CEMIP: variants seen among roughly 807,000 people sequenced by gnomAD.
CEMIP encodes cell migration-inducing and hyaluronan-binding protein.
In CEMIP, 105 loss-of-function variants were observed where a neutral mutation model predicts 156.9. That is an observed-to-expected ratio of 0.67 (90% CI 0.57 to 0.79). The LOEUF (loss-of-function observed/expected upper bound fraction) is 0.79, where lower values mean the gene tolerates loss of function less well. Among genes scored for constraint, CEMIP ranks in the 30% least tolerant of loss-of-function variants. The pLI is 0.00. For synonymous variants in CEMIP, 676 were observed against 668.4 expected (o/e 1.01, Z -0.17); for missense variants, 1,457 against 1,769.4 (o/e 0.82, Z 3.17).
At position 80,949,497 on chromosome 15, in the gene CEMIP, G is replaced by A. The variant is rs1901726083; in HGVS notation, c.*573G>A. 5.7e-6 allele frequency: 1 copy of A among 176,804 alleles called. No homozygotes were observed. Among genetic ancestry groups the A allele is most frequent in the Admixed American group, 5.4e-5 (1 of 18,676 alleles). 11.0% of individuals were successfully genotyped at this position (176,804 alleles called of 1,614,324 possible). A position where few individuals can be genotyped will look rare whatever the true frequency, so the allele number is the denominator to read the frequency against. Reference sequence around the variant, plus strand: ...TGCCTCTGGCCGTGTCCACCTTTCAGGAGACTTTGAGTGGCAGGTTTGGAC... The same window carrying A: ...TGCCTCTGGCCGTGTCCACCTTTCAAGAGACTTTGAGTGGCAGGTTTGGAC... On this transcript the variant is annotated 3_prime_UTR_variant, in exon 30 of 30. Transcript: ENST00000394685.
At chr15:80,832,135 C>G (rs1228313231) in intron 1 of CEMIP, among the ~76,000 whole-genome samples, 1 of 152,182 alleles carries the variant, frequency 6.6e-6, no homozygotes, top group Non-Finnish European at 1.5e-5. Context: ...AGTCGGCTGG[C>G]CTGCTTTTGT....
At position 80,858,526 on chromosome 15, in the gene CEMIP, C is replaced by T. The variant is rs148507081; in HGVS notation, c.-175-15012C>T. 5.4e-3 allele frequency among the ~76,000 whole-genome samples: 810 copies of T among 148,668 alleles called. 5 individuals are homozygous for T. Among genetic ancestry groups the T allele is most frequent in the African/African-American group, 0.014 (582 of 40,192 alleles). ...GTCAGGAGTTCAAGAGCAGCCTGACCAACATGGAGAAACCTGGTCTCTACT... is the reference window on the plus strand; with the variant it reads ...GTCAGGAGTTCAAGAGCAGCCTGACTAACATGGAGAAACCTGGTCTCTACT... On this transcript the variant is annotated intron_variant, in intron 1 of 29. Transcript: ENST00000394685.
intron 12 of CEMIP, chr15:80,900,794 C>T: frequency 2.8e-6 from 1 of 355,116 alleles, no homozygotes; most frequent in Non-Finnish European, 5.6e-6. Context: ...AGGATTCCAC[C>T]TGCTTCTCCC....
At chr15:80,864,012 G>A (rs951875305) in intron 1 of CEMIP, among the ~76,000 whole-genome samples, 73 of 151,898 alleles carry the variant, frequency 4.8e-4, no homozygotes, top group African/African-American at 1.8e-3. Context: ...GCTTGAATGT[G>A]AGAGGCAAGC....
chr15:80,789,007 T>C (rs564151919), intron 1 of CEMIP, among the ~76,000 whole-genome samples: 1 of 152,362 alleles, frequency 6.6e-6, no homozygotes, highest in East Asian at 1.9e-4. Context: ...CATTGCACTA[T>C]TCTTTATATT....
intron 1 of CEMIP, among the ~76,000 whole-genome samples, chr15:80,868,745 A>T (rs1596145116): frequency 6.6e-6 from 1 of 152,216 alleles, no homozygotes; most frequent in Non-Finnish European, 1.5e-5. Flanking sequence ...AACTAGAGAT[A>T]ATAATGATAC....
chr15:80,909,781 A>G, intron 14 of CEMIP: 1 of 373,356 alleles, frequency 2.7e-6, no homozygotes, highest in Non-Finnish European at 5.3e-6. Flanking sequence ...TCATTAACAA[A>G]TTGGCATGTG....
intron 1 of CEMIP, among the ~76,000 whole-genome samples, chr15:80,849,494 C>G (rs1897658747): frequency 6.6e-6 from 1 of 152,168 alleles, no homozygotes; most frequent in Non-Finnish European, 1.5e-5. Context: ...GGCCTCTTCC[C>G]TCTTGCTCAC....
At chr15:80,925,799 C>T (rs375011185) in intron 19 of CEMIP, 44 bp downstream of exon 19, 31 of 1,598,246 alleles carry the variant, frequency 1.9e-5, no homozygotes, top group African/African-American at 8.0e-5. Flanking sequence ...GGGGGCATGG[C>T]GCGTCTTCCC....
intron 1 of CEMIP, among the ~76,000 whole-genome samples, chr15:80,839,291 T>A (rs911507433): frequency 7.4e-6 from 1 of 135,052 alleles, no homozygotes; most frequent in Non-Finnish European, 1.5e-5. Flanking sequence ...AGGCCGTGAG[T>A]GTGTGTGTGT....
intron 1 of CEMIP, among the ~76,000 whole-genome samples, chr15:80,791,285 G>T (rs992823726): frequency 6.6e-6 from 1 of 152,094 alleles, no homozygotes; most frequent in Non-Finnish European, 1.5e-5. Flanking sequence ...CTGGTGGCAG[G>T]TATCTAAGGT....
Position 80,925,263 on chromosome 15 carries a change from G to C in CEMIP, c.2289-361G>C, listed in dbSNP as rs930691412. Among the ~76,000 whole-genome samples, 5 of 152,216 alleles carry C rather than the reference G, an allele frequency of 3.3e-5. No individual in the cohort carries two copies. In the South Asian group the frequency reaches 1.0e-3, roughly 32 times the overall value. On this transcript the variant is annotated intron_variant, in intron 18 of 29. Coordinates refer to ENST00000394685, the MANE Select transcript of CEMIP (RefSeq NM_001293298.2). Reference sequence around the variant, plus strand: ...GTGCTCAGAAAAGGCACTAGTTCAAGGTGACCTGCCAGTTAGTGGAAGAGC... The same window carrying C: ...GTGCTCAGAAAAGGCACTAGTTCAACGTGACCTGCCAGTTAGTGGAAGAGC...
intron 1 of CEMIP, among the ~76,000 whole-genome samples, chr15:80,856,733 G>T (rs1046222304): frequency 1.3e-5 from 2 of 152,154 alleles, no homozygotes; most frequent in African/African-American, 2.4e-5. Context: ...GAATACTGAG[G>T]CCCAGGGAAG....
At chr15:80,917,747 T>G (rs771514425) in intron 14 of CEMIP, among the ~76,000 whole-genome samples, 5 of 152,214 alleles carry the variant, frequency 3.3e-5, no homozygotes, top group Admixed American at 6.5e-5. Flanking sequence ...AAACCATGCT[T>G]TCTGCCTTGA....
intron 29 of CEMIP, chr15:80,947,752 T>G (rs1901624531): frequency 6.5e-6 from 1 of 153,072 alleles, no homozygotes; most frequent in Admixed American, 6.5e-5. Context: ...ATGTTCAGCC[T>G]TGCACTTTGC....
rs1416062848 is a variant in CEMIP at position 80,936,721 on chromosome 15, C to G, written c.3057C>G (p.Ile1019Met). The change falls in exon 24 of 30, where the codon ATC becomes ATG. Residue 1019 changes from isoleucine (I) to methionine (M), a missense_variant. Ile to Met is a conservative substitution (Grantham distance 10). This residue lies in a region of CEMIP where 798 missense variants were observed against 980.1 expected (regional missense o/e 0.81). Transcript: ENST00000394685. Reference sequence around the variant, plus strand: ...CCAGTAACCTGCGAATGAAGATCATCAAGAATGACTTCCCCAGCCACCCTC... The same window carrying G: ...CCAGTAACCTGCGAATGAAGATCATGAAGAATGACTTCCCCAGCCACCCTC... ...YKTSNLRMKI[I>M]KNDFPSHPLY... The G allele has an allele frequency of 1.9e-6, 3 of 1,614,176 alleles. No homozygotes were observed. The highest frequency in any genetic ancestry group is 2.5e-6 in the Non-Finnish European group (3 of 1,180,026).
rs765104078 is a variant in CEMIP at position 80,941,880 on chromosome 15, G to A, written c.3439G>A (p.Glu1147Lys). ...LLFLKLKAQN[E>K]REKFAFCSMK... ...GTTCCTGAAGCTGAAAGCTCAGAAC[G>A]AGAGAGAGAAGTTTGCTTTCTGCTC... Residue 1147 changes from glutamate to lysine, a missense_variant, in exon 26 of 30, where the codon GAG becomes AAG. Physicochemically the swap from Glu to Lys is moderately conservative, Grantham distance 56. Transcript: ENST00000394685. The A allele has an allele frequency of 4.2e-5, 68 of 1,613,764 alleles. No homozygotes were observed. The highest frequency in any genetic ancestry group is 3.7e-4 in the South Asian group (34 of 91,042).
chr15:80,906,071 A>G lies in CEMIP; in HGVS notation c.1412-592A>G, dbSNP rs1378069924. On this transcript the variant is annotated intron_variant, in intron 12 of 29. Coordinates refer to ENST00000394685, the MANE Select transcript of CEMIP (RefSeq NM_001293298.2). This position sits in a 1 kb window ranked among gnomAD's most constrained non-coding sequence, Gnocchi z 4.3. Reference sequence around the variant, plus strand: ...AGAATAGGGATTTGCCTGCTTTAACAGATTATGAATTTGCACTGCTGTAAA... The same window carrying G: ...AGAATAGGGATTTGCCTGCTTTAACGGATTATGAATTTGCACTGCTGTAAA... Among the ~76,000 whole-genome samples, 3 of 152,226 alleles carry G rather than the reference A, an allele frequency of 2.0e-5. No homozygotes were observed. Among genetic ancestry groups the G allele is most frequent in the Admixed American group, 6.5e-5 (1 of 15,286 alleles).
intron 1 of CEMIP, among the ~76,000 whole-genome samples, chr15:80,786,520 C>G (rs1038651013): frequency 6.6e-6 from 1 of 150,590 alleles, no homozygotes; most frequent in Non-Finnish European, 1.5e-5. Flanking sequence ...GCCATTGCAC[C>G]CAGCCTGCTA....
Sources: gnomAD v4.1 joint callset for allele counts (sites outside exome capture counted in the v4.1 genomes callset) on GRCh38, gnomAD v4.1.1 for gene constraint, gnomAD v4.1.1 regional missense constraint, Gnocchi (gnomAD v3.1) non-coding constraint, MANE v1.5 for transcripts, NCBI Gene and HGNC (gene_info 2026-07-23, HGNC 2026-07-21) for gene names.